Variants in HIP1R observed in about 807,000 individuals in gnomAD.
The protein encoded by HIP1R is huntingtin-interacting protein 1-related protein.
HIP1R carries 135 observed loss-of-function variants against 144.2 expected under a neutral mutation model. The observed-to-expected ratio is 0.94, with a 90% CI of 0.81 to 1.08. HIP1R has a LOEUF of 1.08. HIP1R is among the 50% of genes least tolerant of loss of function. The pLI is 0.00. For synonymous variants in HIP1R, 698 were observed against 612.8 expected, an observed-to-expected ratio of 1.14 and a Z score of -2.05; for missense variants, 1,462 against 1,432.8, an observed-to-expected ratio of 1.02 and a Z score of -0.33.
intron 3 of HIP1R, 67 bp from the exon 4 acceptor site, chr12:122,848,729 T>A: frequency 6.2e-7 from 1 of 1,601,542 alleles, no homozygotes. Flanking sequence ...GGGTGGGGAG[T>A]GCGTGTCTCA....
rs1023731850 is a variant in HIP1R, at chr12:122,860,145, C to A, written c.2497-3C>A. 4.4e-6 allele frequency: 7 copies of A among 1,583,946 alleles called. No homozygotes were observed. The highest frequency in any genetic ancestry group is 2.7e-5 in the African/African-American group (2 of 74,388). ...CCAGTCATTGCTGTCTTGGTCTCGG[C>A]AGGCTATCCGGCTCCTGGTGACGAC... On this transcript the variant is annotated splice_polypyrimidine_tract_variant and splice_region_variant and intron_variant, in intron 25 of 31. Transcript: ENST00000253083.
At chr12:122,857,887 C>T (rs970031929) in intron 18 of HIP1R, 2 of 430,508 alleles carry the variant, frequency 4.6e-6, no homozygotes, top group Admixed American at 3.9e-5. Flanking sequence ...GGAGAAATGT[C>T]TTTTAGGACC....
rs2033722617 is a variant in HIP1R at position 122,860,085 on chromosome 12, G to C, written c.2496+8G>C. Reference sequence around the variant, plus strand: ...TGCACAGACCTGATGAAGGTGAGGGGCTGTGACCCGGGGGGGTCTGCACCT... The same window carrying C: ...TGCACAGACCTGATGAAGGTGAGGGCCTGTGACCCGGGGGGGTCTGCACCT... On this transcript the variant is annotated splice_region_variant and intron_variant, in intron 25 of 31. Transcript: ENST00000253083. 6.3e-7 allele frequency: 1 copy of C among 1,577,206 alleles called. No individual in the cohort carries two copies. The highest frequency in any genetic ancestry group is 1.8e-5 in the Admixed American group (1 of 55,908).
chr12:122,835,046 G>T (rs776997117), upstream of HIP1R: 600 of 1,262,714 alleles, frequency 4.8e-4, 1 homozygote, highest in South Asian at 8.7e-4. Context: ...AATTGGCTGG[G>T]GTCCCTACCC....
intron 23 of HIP1R, 35 bp downstream of exon 23, chr12:122,859,571 G>A (rs1385513143): frequency 1.9e-6 from 3 of 1,553,274 alleles, no homozygotes; most frequent in Admixed American, 1.7e-5. Context: ...CCTCATTCCT[G>A]TGGAGCTTTG....
chr12:122,842,510 G>C (rs1055112781), intron 1 of HIP1R, among the ~76,000 whole-genome samples: 1 of 152,148 alleles, frequency 6.6e-6, no homozygotes, highest in East Asian at 1.9e-4. Context: ...TGTTGGTTTG[G>C]GCCTAGAGAT....
chr12:122,855,921 G>T lies in HIP1R; in HGVS notation c.1128+18G>T. On this transcript the variant is annotated intron_variant, in intron 13 of 31. Transcript: ENST00000253083. ...AGCTGGAGGTGCGGGGTGGGGATGG[G>T]TGGGGGCCAGGGCCCCTCACGGCCC... The T allele has an allele frequency of 1.3e-6, 2 of 1,563,804 alleles. No homozygotes were observed. The highest frequency in any genetic ancestry group is 1.2e-5 in the South Asian group (1 of 85,086).
chr12:122,835,670 CGGGCGGCGGCG>C, intron 1 of HIP1R, 27 bp downstream of exon 1: 2 of 928,376 alleles, frequency 2.2e-6, no homozygotes, highest in Non-Finnish European at 2.6e-6. Context: ...CGGCGGGCGG[CGGGCGGCGGCG>C]GGCGGGCGGG....
Position 122,860,541 on chromosome 12 carries a change from G to T in HIP1R, c.2660+18G>T, listed in dbSNP as rs775127888. On this transcript the variant is annotated intron_variant, in intron 27 of 31. Transcript: ENST00000253083. ...CAGCTGGTGTAGGTTGCCCTGGGTG[G>T]GGGGGGGCAGGGGGCTGCTTCCTGC... is the stretch of plus-strand genomic sequence containing the variant. The T allele has an allele frequency of 3.8e-6, 6 of 1,587,032 alleles. No homozygotes were observed. The highest frequency in any genetic ancestry group is 1.7e-4 in the Middle Eastern group (1 of 5,988).
rs957007761 is a variant in HIP1R at position 122,857,772 on chromosome 12, C to T, written c.1816-330C>T. The T allele has an allele frequency of 1.9e-5, 6 of 316,940 alleles. No individual in the cohort carries two copies. The East Asian group carries it at 3.3e-4, about 17-fold the overall frequency. 19.6% of individuals were successfully genotyped at this position (316,940 alleles called of 1,614,324 possible). On this transcript the variant is annotated intron_variant, in intron 18 of 31. Coordinates refer to ENST00000253083, the MANE Select transcript of HIP1R (RefSeq NM_003959.3). ...ATTGTCTTCTTTTTATTTTAGCCAT[C>T]CTAGTGGGTGTGGAGTGGTTTCTCA...
chr12:122,861,236 G>T, intron 30 of HIP1R, 44 bp downstream of exon 30: 2 of 1,613,094 alleles, frequency 1.2e-6, no homozygotes, highest in Non-Finnish European at 1.7e-6. Context: ...CTCATCCCTC[G>T]GGCGAAGCCT....
rs373990390 is a variant in HIP1R at position 122,856,073 on chromosome 12, G to T, written c.1222G>T (p.Asp408Tyr). 4.8e-5 allele frequency: 76 copies of T among 1,589,620 alleles called. No individual in the cohort carries two copies. The highest frequency in any genetic ancestry group is 1.4e-4 in the Admixed American group (8 of 55,530). Residue 408 changes from aspartate (D) to tyrosine (Y), a missense_variant, in exon 14 of 32, where the codon GAT (aspartate) becomes TAT (tyrosine). Physicochemically the swap from Asp to Tyr is radical, Grantham distance 160. Transcript: ENST00000253083. ...QRKQKQKALV[D>Y]NEQLRHELAQ... ...GAAGCAGAAGCAGAAGGCCCTGGTG[G>T]ATAATGAGCAGCTCCGCCACGAGCT...
intron 21 of HIP1R, 51 bp downstream of exon 21, chr12:122,858,996 C>A: frequency 6.2e-7 from 1 of 1,606,698 alleles, no homozygotes; most frequent in Non-Finnish European, 8.5e-7. Context: ...GGCTTGTCTC[C>A]CCTGGGGGTC....
At chr12:122,855,021 T>G in intron 9 of HIP1R, 32 bp from the exon 10 acceptor site, 1 of 1,613,700 alleles carries the variant, frequency 6.2e-7, no homozygotes, top group Non-Finnish European at 8.5e-7. Flanking sequence ...CGTGGCCCCT[T>G]CCTGAACCCG....
chr12:122,836,850 T>C lies in HIP1R; in HGVS notation c.93+1207T>C, dbSNP rs1286126826. On this transcript the variant is annotated intron_variant, in intron 1 of 31. Coordinates refer to ENST00000253083, the MANE Select transcript of HIP1R (RefSeq NM_003959.3). The surrounding 1 kb of genome is among the most constrained non-coding windows in gnomAD (Gnocchi z 4.1). ...ACGCAGGGAGACCTTCTAACCTTTG[T>C]GCTTGGGATTGACCCAGAAAGCGAT... Among the ~76,000 whole-genome samples, 1 of 152,222 alleles carries C rather than the reference T, an allele frequency of 6.6e-6. No homozygotes were observed. The highest frequency in any genetic ancestry group is 1.5e-5 in the Non-Finnish European group (1 of 68,048).
chr12:122,854,994 C>T (rs768331765), intron 9 of HIP1R, 32 bp downstream of exon 9: 14 of 1,613,196 alleles, frequency 8.7e-6, no homozygotes, highest in African/African-American at 6.7e-5. Context: ...GGATTGAGGC[C>T]GGTGGGGGAG....
In HIP1R at chr12:122,859,067, T is replaced by TA; in HGVS notation, c.2166dup (p.Asp723ArgfsTer73). ...CGGTCCTTTCTCACCCCAGGCCTCA[T>TA]AGACACCTGCAGGGAGTGCGGGGCC... On this transcript the variant is annotated frameshift_variant, in exon 22 of 32. Coordinates refer to ENST00000253083, the MANE Select transcript of HIP1R (RefSeq NM_003959.3). LOFTEE classifies it high-confidence loss of function. 1 of 1,606,330 alleles carries TA rather than the reference T, an allele frequency of 6.2e-7. No homozygotes were observed.
chr12:122,852,423 C>T (rs1343555074), intron 7 of HIP1R, among the ~76,000 whole-genome samples: 1 of 152,258 alleles, frequency 6.6e-6, no homozygotes, highest in Non-Finnish European at 1.5e-5. Flanking sequence ...CTGAGCCTCT[C>T]AGCACAGAGC....
chr12:122,856,634 A>G lies in HIP1R; in HGVS notation c.1528A>G (p.Lys510Glu), dbSNP rs770245608. The G allele has an allele frequency of 6.2e-7, 1 of 1,605,288 alleles. No homozygotes were observed. The highest frequency in any genetic ancestry group is 8.5e-7 in the Non-Finnish European group (1 of 1,175,992). The change falls in exon 17 of 32, where the codon AAG (lysine) becomes GAG (glutamate). Residue 510 changes from lysine (K) to glutamate (E), a missense_variant. Lys to Glu is a moderately conservative substitution (Grantham distance 56). This residue lies in a region of HIP1R where 1,112 missense variants were observed against 1,011.7 expected (regional missense o/e 1.10). Coordinates refer to ENST00000253083, the MANE Select transcript of HIP1R (RefSeq NM_003959.3). ...KRESELKLEE[K>E]SDQLEKLKRE... The stretch of plus-strand genomic sequence containing the variant: ...CGCTGTCCTGTCCCAGCTAGAGGAG[A>G]AGAGCGACCAGCTGGAGAAGCTCAA...
Sources: gnomAD v4.1 joint callset for allele counts (sites outside exome capture counted in the v4.1 genomes callset) on GRCh38, gnomAD v4.1.1 for gene constraint, gnomAD v4.1.1 regional missense constraint, Gnocchi (gnomAD v3.1) non-coding constraint, MANE v1.5 for transcripts, NCBI Gene and HGNC (gene_info 2026-07-23, HGNC 2026-07-21) for gene names.